The following ESCO1 variants were observed in gnomAD, a reference collection of about 807,000 sequenced individuals.
ESCO1 encodes the protein establishment of sister chromatid cohesion N-acetyltransferase 1.
A neutral mutation model predicts 83.5 loss-of-function variants in ESCO1; 33 were observed. That is an observed-to-expected ratio of 0.40 (90% CI 0.30 to 0.53). The LOEUF is 0.53. Ranked by LOEUF, ESCO1 falls within the 20% of genes least tolerant of loss-of-function variation. The pLI is 0.63. For synonymous variants in ESCO1, 332 were observed against 324.3 expected, an observed-to-expected ratio of 1.02 and a Z score of -0.25; for missense variants, 855 against 968.0, an observed-to-expected ratio of 0.88 and a Z score of 1.55.
intron 1 of ESCO1, among the ~76,000 whole-genome samples, chr18:21,590,334 G>A (rs1225819095): frequency 6.7e-6 from 1 of 150,234 alleles, no homozygotes; most frequent in Non-Finnish European, 1.5e-5. Flanking sequence ...CAATTCTCTT[G>A]CCTCAGCCTC....
intron 2 of ESCO1, among the ~76,000 whole-genome samples, chr18:21,578,729 G>T (rs1037216820): frequency 6.6e-6 from 1 of 152,108 alleles, no homozygotes; most frequent in African/African-American, 2.4e-5. Context: ...ACAAAGTCTC[G>T]CTTTGTTGTC....
chr18:21,573,720 T>C lies in ESCO1; in HGVS notation c.1124A>G (p.Lys375Arg), dbSNP rs768786410. ...GCTGTTTATTCCATTTAGTATACAT[T>C]TCACAGGCTTTGTTTTTCTACTTGG... The part of the protein sequence containing the change: ...FFPSRKTKPV[K>R]CILNGINSSA... Residue 375 changes from lysine (K) to arginine (R), a missense_variant, in exon 4 of 12, where the codon AAA becomes AGA. Around this residue, in one of 2 missense-constraint regions of ESCO1, gnomAD observed 726 missense variants for 699.5 expected, o/e 1.04. Transcript: ENST00000269214. 3 of 1,614,174 alleles carry C rather than the reference T, an allele frequency of 1.9e-6. No homozygotes were observed. Among genetic ancestry groups the C allele is most frequent in the South Asian group, 2.2e-5 (2 of 91,076 alleles).
chr18:21,553,301 A>T (rs757639292), intron 8 of ESCO1, among the ~76,000 whole-genome samples: 15 of 152,044 alleles, frequency 9.9e-5, no homozygotes, highest in Admixed American at 4.6e-4. Flanking sequence ...CAAAAGAAAA[A>T]GTGTATAATT....
intron 9 of ESCO1, among the ~76,000 whole-genome samples, chr18:21,537,747 C>G (rs906312689): frequency 3.3e-5 from 5 of 152,124 alleles, no homozygotes; most frequent in Non-Finnish European, 5.9e-5. Context: ...ACTGAGGGTT[C>G]CTTCTAAGAA....
chr18:21,599,059 T>A lies in ESCO1; in HGVS notation c.-825+1564A>T, dbSNP rs116704193. Among the ~76,000 whole-genome samples, 1,112 of 152,048 alleles carry A rather than the reference T, an allele frequency of 7.3e-3. 13 individuals are homozygous for A. Among genetic ancestry groups the A allele is most frequent in the African/African-American group, 0.024 (1,003 of 41,470 alleles). ...TTGCTTTTCAAAAAAAAAAAAAAAT[T>A]CACCAGGCACAGTGGCTCAGGCCTG... is the stretch of plus-strand genomic sequence containing the variant. On this transcript the variant is annotated intron_variant, in intron 1 of 11. Coordinates refer to ENST00000269214, the MANE Select transcript of ESCO1 (RefSeq NM_052911.3).
At chr18:21,585,189 C>T (rs543128851) in intron 1 of ESCO1, among the ~76,000 whole-genome samples, 1 of 150,912 alleles carries the variant, frequency 6.6e-6, no homozygotes, top group Admixed American at 6.6e-5. Context: ...CCATCTCAAT[C>T]TTATACCATA....
chr18:21,584,110 G>C (rs991823428), intron 2 of ESCO1, among the ~76,000 whole-genome samples, 200 bp downstream of exon 2: 1 of 152,060 alleles, frequency 6.6e-6, no homozygotes, highest in Non-Finnish European at 1.5e-5. Flanking sequence ...CTAAACAAGA[G>C]AACTACTAGA....
At chr18:21,599,180 T>C (rs938404983) in intron 1 of ESCO1, among the ~76,000 whole-genome samples, 11 of 151,868 alleles carry the variant, frequency 7.2e-5, no homozygotes, top group Non-Finnish European at 1.5e-5. Context: ...CAACAACAAA[T>C]AGAAAACTTA....
Position 21,575,063 on chromosome 18 carries a change from C to T in ESCO1, c.-220G>A, listed in dbSNP as rs2038401259. On this transcript the variant is annotated 5_prime_UTR_variant, in exon 4 of 12. Coordinates refer to ENST00000269214, the MANE Select transcript of ESCO1 (RefSeq NM_052911.3). ...AAAAGCTGGCATGAATGCTAAAAGA[C>T]ACTTGCTTTACTTTGGACAAGGTAA... 3 of 409,750 alleles carry T rather than the reference C, an allele frequency of 7.3e-6. No individual in the cohort carries two copies. In the South Asian group the frequency reaches 2.5e-4, roughly 34 times the overall value. 25.4% of individuals were successfully genotyped at this position (409,750 alleles called of 1,614,324 possible). A position where few individuals can be genotyped will look rare whatever the true frequency, so the allele number is the denominator to read the frequency against.
intron 2 of ESCO1, among the ~76,000 whole-genome samples, chr18:21,577,732 G>T (rs558282092): frequency 6.6e-6 from 1 of 152,098 alleles, no homozygotes; most frequent in South Asian, 2.1e-4. Context: ...AAGACTAGAG[G>T]TATAAATCTC....
chr18:21,598,122 T>C (rs561842662), intron 1 of ESCO1, among the ~76,000 whole-genome samples: 62 of 152,260 alleles, frequency 4.1e-4, no homozygotes, highest in Admixed American at 6.5e-4. Flanking sequence ...TCACCTTCAA[T>C]AGAAGGTATT....
chr18:21,558,309 CTTTTA>C (rs1377275113), intron 8 of ESCO1, among the ~76,000 whole-genome samples: 1 of 152,030 alleles, frequency 6.6e-6, no homozygotes, highest in African/African-American at 2.4e-5. Flanking sequence ...TATTTTCTAC[CTTTTA>C]TTTTAACCTT....
chr18:21,570,923 G>T (rs1407121527), intron 4 of ESCO1, among the ~76,000 whole-genome samples: 1 of 150,698 alleles, frequency 6.6e-6, no homozygotes, highest in African/African-American at 2.4e-5. Context: ...CCTGCAGTGA[G>T]CCGAGATGCA....
At chr18:21,579,721 G>A (rs1469146615) in intron 2 of ESCO1, among the ~76,000 whole-genome samples, 7 of 148,728 alleles carry the variant, frequency 4.7e-5, no homozygotes, top group Non-Finnish European at 8.9e-5. Context: ...GCAGTGAGCC[G>A]ACATCACGCC....
chr18:21,585,140 C>A (rs2038556690), intron 1 of ESCO1, among the ~76,000 whole-genome samples: 14 of 113,496 alleles, frequency 1.2e-4, no homozygotes, highest in South Asian at 3.0e-4. Context: ...GACTCCATCT[C>A]AAAAAAAAAA....
intron 4 of ESCO1, 39 bp from the exon 5 acceptor site, chr18:21,568,133 G>T (rs1292833178): frequency 2.1e-6 from 3 of 1,445,478 alleles, no homozygotes; most frequent in East Asian, 2.3e-5. Flanking sequence ...ATCAACTTTG[G>T]GTTTTATCTA....
intron 1 of ESCO1, among the ~76,000 whole-genome samples, chr18:21,597,997 C>T (rs2038789321): frequency 6.6e-6 from 1 of 152,084 alleles, no homozygotes; most frequent in Non-Finnish European, 1.5e-5. Flanking sequence ...AAAGGATTTT[C>T]ATTGAATGAT....
chr18:21,571,516 A>G (rs1261137799), intron 4 of ESCO1, among the ~76,000 whole-genome samples: 1 of 152,148 alleles, frequency 6.6e-6, no homozygotes, highest in Non-Finnish European at 1.5e-5. Context: ...TGTTCCTCCA[A>G]ACAGAGGGGC....
chr18:21,570,070 AAAT>A (rs1477266649), intron 4 of ESCO1, among the ~76,000 whole-genome samples: 1 of 152,130 alleles, frequency 6.6e-6, no homozygotes, highest in African/African-American at 2.4e-5. Flanking sequence ...GATTAGTGAA[AAAT>A]AATTGGAAAC....
Sources: allele counts gnomAD v4.1 joint callset (sites outside exome capture counted in the v4.1 genomes callset), GRCh38; gene constraint gnomAD v4.1.1; regional missense constraint gnomAD v4.1.1; transcripts MANE v1.5; gene names NCBI Gene and HGNC (gene_info 2026-07-23, HGNC 2026-07-21).